The following SPPL3 variants were observed in gnomAD, a reference collection of about 807,000 sequenced individuals.
The protein encoded by SPPL3 is signal peptide peptidase-like 3.
In SPPL3, 5 loss-of-function variants were observed where a neutral mutation model predicts 42.4. The observed-to-expected ratio is 0.12, with a 90% CI of 0.06 to 0.25. The LOEUF is 0.25. Ranked by LOEUF, SPPL3 falls within the 10% of genes least tolerant of loss-of-function variation. SPPL3 has a pLI of 1.00. For missense variants in SPPL3, 235 were observed against 489.0 expected (o/e 0.48, Z 4.90); for synonymous variants, 195 against 181.8 (o/e 1.07, Z -0.58).
chr12:120,802,785 A>G (rs1046442118), intron 2 of SPPL3, among the ~76,000 whole-genome samples: 18 of 152,108 alleles, frequency 1.2e-4, no homozygotes, highest in Non-Finnish European at 4.4e-5. Context: ...CCAGTTTAAG[A>G]ATTAACAGCC....
chr12:120,840,923 G>C (rs1177353106), intron 1 of SPPL3, among the ~76,000 whole-genome samples: 1 of 147,214 alleles, frequency 6.8e-6, no homozygotes, highest in Admixed American at 7.1e-5. Flanking sequence ...TTGGGCAACA[G>C]AGTGAGACTC....
chr12:120,832,641 G>A (rs1298289711), intron 1 of SPPL3, among the ~76,000 whole-genome samples: 1 of 151,984 alleles, frequency 6.6e-6, no homozygotes, highest in Non-Finnish European at 1.5e-5. Context: ...ACTCCGGCCT[G>A]GGGAACAAGA....
intron 1 of SPPL3, among the ~76,000 whole-genome samples, chr12:120,811,686 TTTGTTG>T (rs1160015348): frequency 6.6e-6 from 1 of 152,184 alleles, no homozygotes; most frequent in African/African-American, 2.4e-5. Flanking sequence ...TAGCAGGCTT[TTTGTTG>T]TTGTTGTTGT....
chr12:120,875,789 A>T (rs1873068632), intron 1 of SPPL3, among the ~76,000 whole-genome samples: 1 of 152,238 alleles, frequency 6.6e-6, no homozygotes, highest in African/African-American at 2.4e-5. Flanking sequence ...TGATACACCT[A>T]GTCTAAAAGG....
At chr12:120,766,157 C>A in intron 10 of SPPL3, 106 bp downstream of exon 10, 1 of 877,302 alleles carries the variant, frequency 1.1e-6, no homozygotes, top group Non-Finnish European at 1.7e-6. Context: ...AGATCACAAG[C>A]TCACTCAGGG....
intron 10 of SPPL3, among the ~76,000 whole-genome samples, 163 bp downstream of exon 10, chr12:120,766,100 G>GCGCACACA (rs1186435935): frequency 2.3e-4 from 19 of 84,142 alleles, no homozygotes; most frequent in South Asian, 1.4e-3. Context: ...GCGCGCGCGC[G>GCGCACACA]CACACACACA....
chr12:120,845,208 G>A, intron 1 of SPPL3: 4 of 449,034 alleles, frequency 8.9e-6, no homozygotes, highest in South Asian at 1.8e-5. Flanking sequence ...AGTTCATGTG[G>A]CAAAGGGAGT....
intron 1 of SPPL3, among the ~76,000 whole-genome samples, chr12:120,866,268 T>C (rs1015523896): frequency 7.2e-5 from 11 of 152,162 alleles, no homozygotes; most frequent in African/African-American, 1.9e-4. Context: ...GCCAAAAACG[T>C]TGGAGGCCTG....
In SPPL3 at chr12:120,765,032, G is replaced by A. The variant is rs193153002; in HGVS notation, c.1122C>T (p.Ser374=). 8 of 1,613,956 alleles carry A rather than the reference G, an allele frequency of 5.0e-6. No individual in the cohort carries two copies. The highest frequency in any genetic ancestry group is 6.8e-6 in the Non-Finnish European group (8 of 1,179,946). ...CCAGGAATCGGGAGCTGCTGGACTT[G>A]GAGTGGAAAGGCTCAGACCACATCC... is the stretch of plus-strand genomic sequence containing the variant. ...LRRMWSEPFH[S]KSSSSRFLEV Residue 374 remains serine (S), a synonymous_variant, in exon 11 of 11, where the codon TCC becomes TCT. Coordinates refer to ENST00000353487, the MANE Select transcript of SPPL3 (RefSeq NM_139015.5).
chr12:120,795,307 T>C (rs1179465090), intron 2 of SPPL3, among the ~76,000 whole-genome samples: 1 of 152,246 alleles, frequency 6.6e-6, no homozygotes, highest in Non-Finnish European at 1.5e-5. Flanking sequence ...TGGATGTTCA[T>C]TTCTGGTGAT....
intron 2 of SPPL3, among the ~76,000 whole-genome samples, chr12:120,806,962 C>T (rs1443530215): frequency 6.6e-6 from 1 of 151,924 alleles, no homozygotes; most frequent in Non-Finnish European, 1.5e-5. Flanking sequence ...AAAGCATGAT[C>T]CATAAAACGT....
At chr12:120,806,270 T>C (rs1034568127) in intron 2 of SPPL3, among the ~76,000 whole-genome samples, 1 of 151,392 alleles carries the variant, frequency 6.6e-6, no homozygotes, top group Non-Finnish European at 1.5e-5. Flanking sequence ...CGATCATAGT[T>C]CACCATAACC....
rs73227029 is a variant in SPPL3 at position 120,763,606 on chromosome 12, T to G, written c.*1393A>C. The stretch of plus-strand genomic sequence containing the variant: ...GGTCAGCAGACCTAACACTAGTTAC[T>G]CCCAGAAATCTGGGCTTGCAGCAGA... On this transcript the variant is annotated 3_prime_UTR_variant, in exon 11 of 11. Coordinates refer to ENST00000353487, the MANE Select transcript of SPPL3 (RefSeq NM_139015.5). The G allele has an allele frequency of 0.042, 6,406 of 152,756 alleles. 186 individuals are homozygous for G. The highest frequency in any genetic ancestry group is 0.11 in the South Asian group (553 of 4,818). The allele number at this position is 152,756 out of a possible 1,614,324, so 9.5% of individuals were successfully genotyped here.
intron 2 of SPPL3, among the ~76,000 whole-genome samples, chr12:120,810,482 T>C (rs528364012): frequency 3.3e-5 from 5 of 152,350 alleles, no homozygotes; most frequent in Admixed American, 2.6e-4. Context: ...TTAAACTCTT[T>C]GTTCCCTTTG....
intron 1 of SPPL3, among the ~76,000 whole-genome samples, chr12:120,880,197 G>A (rs1301515075): frequency 6.6e-6 from 1 of 151,514 alleles, no homozygotes; most frequent in African/African-American, 2.4e-5. Flanking sequence ...CAGCGTATAT[G>A]GTACACTACT....
chr12:120,798,718 T>C (rs1244567484), intron 2 of SPPL3, among the ~76,000 whole-genome samples: 1 of 152,268 alleles, frequency 6.6e-6, no homozygotes, highest in Non-Finnish European at 1.5e-5. Flanking sequence ...ACACTTGTTA[T>C]ATTCTGCTTC....
At chr12:120,787,537 T>C (rs1195637564) in intron 3 of SPPL3, among the ~76,000 whole-genome samples, 2 of 152,138 alleles carry the variant, frequency 1.3e-5, no homozygotes, top group Non-Finnish European at 2.9e-5. Flanking sequence ...TTCTAACCTT[T>C]TTTATGGTGA....
At chr12:120,867,421 C>T (rs1000679170) in intron 1 of SPPL3, among the ~76,000 whole-genome samples, 1 of 152,112 alleles carries the variant, frequency 6.6e-6, no homozygotes, top group Admixed American at 6.6e-5. Flanking sequence ...AATCCCAGCA[C>T]TTTGGAAGGC....
chr12:120,877,793 AG>A (rs764799909), intron 1 of SPPL3, among the ~76,000 whole-genome samples: 5,317 of 134,040 alleles, frequency 0.04, 321 homozygotes, highest in African/African-American at 0.13. Context: ...AAAAAAAAAA[AG>A]AAAGAAAGAA....
Sources: gnomAD v4.1 joint callset for allele counts (sites outside exome capture counted in the v4.1 genomes callset) on GRCh38, gnomAD v4.1.1 for gene constraint, MANE v1.5 for transcripts, NCBI Gene and HGNC (gene_info 2026-07-23, HGNC 2026-07-21) for gene names.